SLC30A8: variants seen among roughly 807,000 people sequenced by gnomAD.
SLC30A8 encodes the protein solute carrier family 30 member 8.
Under a neutral mutation model 36.9 loss-of-function variants are expected in SLC30A8, and 27 were observed. That is an observed-to-expected ratio of 0.73 (90% CI 0.54 to 1.01). The LOEUF is 1.01. Among genes scored for constraint, SLC30A8 ranks in the 50% least tolerant of loss-of-function variants. The pLI, the probability that SLC30A8 is intolerant of heterozygous loss-of-function variation, is 0.00. For synonymous variants in SLC30A8, 164 were observed against 172.4 expected (o/e 0.95, Z 0.38); for missense variants, 439 against 452.0 (o/e 0.97, Z 0.26).
intron 1 of SLC30A8, among the ~76,000 whole-genome samples, chr8:116,972,561 T>G (rs1484122950): frequency 1.3e-5 from 2 of 152,230 alleles, no homozygotes; most frequent in Non-Finnish European, 2.9e-5. Context: ...AGGAGAAGCT[T>G]TAACTTTCAA....
chr8:116,983,784 C>T (rs1274770348), intron 1 of SLC30A8, among the ~76,000 whole-genome samples: 1 of 152,124 alleles, frequency 6.6e-6, no homozygotes, highest in Non-Finnish European at 1.5e-5. Context: ...TGCTTAACTA[C>T]AGTACAATAT....
Position 117,108,200 on chromosome 8 carries a change from A to G in SLC30A8, c.-225-27080A>G, listed in dbSNP as rs1820076888. 7.2e-5 allele frequency among the ~76,000 whole-genome samples: 11 copies of G among 152,334 alleles called. No individual in the cohort carries two copies. In the South Asian group the frequency reaches 2.3e-3, roughly 32 times the overall value. On this transcript the variant is annotated intron_variant, in intron 2 of 10. Transcript: ENST00000427715. ...ATCAGACTCTTCCTAACAATATTTT[A>G]TGTTTAATACTTTCATTCAGTTAAA...
intron 1 of SLC30A8, among the ~76,000 whole-genome samples, chr8:116,995,775 A>AT (rs1388469679): frequency 5.3e-5 from 8 of 152,106 alleles, no homozygotes; most frequent in African/African-American, 1.9e-4. Flanking sequence ...GGGAAAAGCA[A>AT]AAACCAAAAG....
chr8:117,032,368 A>G (rs1404480937), intron 1 of SLC30A8, among the ~76,000 whole-genome samples: 1 of 152,196 alleles, frequency 6.6e-6, no homozygotes, highest in East Asian at 1.9e-4. Flanking sequence ...CAGGCAGTTA[A>G]TAAGTTTTTG....
At chr8:117,063,691 A>G (rs1452237363) in intron 2 of SLC30A8, among the ~76,000 whole-genome samples, 2 of 152,238 alleles carry the variant, frequency 1.3e-5, no homozygotes, top group African/African-American at 2.4e-5. Context: ...AGAAGCACAC[A>G]ATATAGAGAA....
chr8:116,972,632 A>G (rs1390260521), intron 1 of SLC30A8, among the ~76,000 whole-genome samples: 1 of 152,182 alleles, frequency 6.6e-6, no homozygotes, highest in Non-Finnish European at 1.5e-5. Flanking sequence ...AACTGAGACT[A>G]TTTTGGGGGA....
At chr8:117,140,038 T>C (rs1165836726) in intron 1 of SLC30A8, among the ~76,000 whole-genome samples, 2 of 151,976 alleles carry the variant, frequency 1.3e-5, no homozygotes. Flanking sequence ...GAGTTAGAAA[T>C]TATTTTTTAA....
At chr8:116,985,838 T>TG (rs1190392544) in intron 1 of SLC30A8, among the ~76,000 whole-genome samples, 1 of 151,894 alleles carries the variant, frequency 6.6e-6, no homozygotes, top group Non-Finnish European at 1.5e-5. Flanking sequence ...ATTTAAGACA[T>TG]GGGGTGTGCA....
intron 2 of SLC30A8, among the ~76,000 whole-genome samples, chr8:117,095,703 A>G (rs1819332289): frequency 1.3e-5 from 2 of 152,282 alleles, no homozygotes; most frequent in South Asian, 4.1e-4. Flanking sequence ...TTAGTCAGGT[A>G]TGCAATATTT....
intron 1 of SLC30A8, among the ~76,000 whole-genome samples, chr8:116,972,013 A>G (rs1211848541): frequency 2.6e-5 from 4 of 152,234 alleles, no homozygotes; most frequent in African/African-American, 9.6e-5. Flanking sequence ...AATTTTTCCT[A>G]TCATAAAGAA....
At position 117,097,418 on chromosome 8, in the gene SLC30A8, A is replaced by AAT. The variant is rs779044998; in HGVS notation, c.-225-37854_-225-37853dup. On this transcript the variant is annotated intron_variant, in intron 2 of 10. Coordinates refer to the SLC30A8 transcript ENST00000427715. ...TCTCAAAAAAAAAAAAAAAAAAAAA[A>AAT]ATATATATAAATATATATAATTATA... 3.5e-4 allele frequency among the ~76,000 whole-genome samples: 31 copies of AAT among 89,232 alleles called. 4 individuals are homozygous for AAT. The highest frequency in any genetic ancestry group is 7.4e-4 in the African/African-American group (15 of 20,200). The allele number at this position is 89,232 out of a possible 152,430, so 58.5% of individuals were successfully genotyped here. A position where few individuals can be genotyped will look rare whatever the true frequency, so the allele number is the denominator to read the frequency against.
chr8:117,076,380 A>T (rs1321419442), intron 2 of SLC30A8, among the ~76,000 whole-genome samples: 1 of 152,204 alleles, frequency 6.6e-6, no homozygotes, highest in Non-Finnish European at 1.5e-5. Context: ...AGGTAATCAG[A>T]TATGAAATTC....
chr8:117,063,544 A>G (rs1318073467), intron 2 of SLC30A8, among the ~76,000 whole-genome samples: 1 of 152,212 alleles, frequency 6.6e-6, no homozygotes, highest in Non-Finnish European at 1.5e-5. Context: ...TTGATGCAAC[A>G]TACACATGCA....
At chr8:117,069,647 C>T (rs1563577740) in intron 2 of SLC30A8, among the ~76,000 whole-genome samples, 1 of 152,166 alleles carries the variant, frequency 6.6e-6, no homozygotes, top group Non-Finnish European at 1.5e-5. Context: ...TTATTATCTT[C>T]ATCTCTTGGC....
chr8:117,131,598 T>G (rs948715932), upstream of SLC30A8, among the ~76,000 whole-genome samples: 3 of 152,004 alleles, frequency 2.0e-5, no homozygotes, highest in Non-Finnish European at 4.4e-5. Flanking sequence ...ATAGAGCCGA[T>G]AGCTGAAGTC....
chr8:117,109,184 T>C (rs1305206513), intron 2 of SLC30A8, among the ~76,000 whole-genome samples: 1 of 152,160 alleles, frequency 6.6e-6, no homozygotes, highest in South Asian at 2.1e-4. Flanking sequence ...GCCTGTGTCA[T>C]GCACCTAGCC....
At chr8:117,054,507 C>A (rs1817807602) in intron 2 of SLC30A8, among the ~76,000 whole-genome samples, 1 of 152,014 alleles carries the variant, frequency 6.6e-6, no homozygotes, top group Non-Finnish European at 1.5e-5. Flanking sequence ...TAATGGTATC[C>A]AGTTTGTCAC....
chr8:117,158,324 G>A (rs944176118), intron 4 of SLC30A8, among the ~76,000 whole-genome samples: 3 of 152,170 alleles, frequency 2.0e-5, no homozygotes, highest in Non-Finnish European at 4.4e-5. Flanking sequence ...GCAGATGGTG[G>A]CTTCCCAGTG....
intron 1 of SLC30A8, among the ~76,000 whole-genome samples, chr8:116,981,725 T>C (rs1815270217): frequency 6.6e-6 from 1 of 152,184 alleles, no homozygotes. Flanking sequence ...ACTCCATCCA[T>C]GTTGCTGCAA....
Sources: allele counts gnomAD v4.1 joint callset (sites outside exome capture counted in the v4.1 genomes callset), GRCh38; gene constraint gnomAD v4.1.1; transcripts MANE v1.5; gene names NCBI Gene and HGNC (gene_info 2026-07-23, HGNC 2026-07-21).